Variants in SGCZ observed in about 807,000 individuals in gnomAD.
The protein encoded by SGCZ is sarcoglycan zeta, also known as zeta-sarcoglycan.
In SGCZ, 40 loss-of-function variants were observed where a neutral mutation model predicts 41.3. That is an observed-to-expected ratio of 0.97 (90% CI 0.75 to 1.26). The LOEUF is 1.26. SGCZ is among the 50% of genes most tolerant of loss of function. The pLI is 0.00. For missense variants in SGCZ, 552 were observed against 369.8 expected (o/e 1.49, Z -4.04); for synonymous variants, 206 against 137.5 (o/e 1.50, Z -3.49).
intron 3 of SGCZ, among the ~76,000 whole-genome samples, chr8:14,274,000 C>G (rs6651379): frequency 6.6e-6 from 1 of 151,844 alleles, no homozygotes; most frequent in Non-Finnish European, 1.5e-5. Context: ...TTCCCTCCTG[C>G]TGGTATTTGT....
chr8:14,424,284 C>T (rs1276136581), intron 2 of SGCZ, among the ~76,000 whole-genome samples: 1 of 152,076 alleles, frequency 6.6e-6, no homozygotes, highest in Non-Finnish European at 1.5e-5. Flanking sequence ...GCTAGTTTTT[C>T]TCATTATAAT....
intron 1 of SGCZ, among the ~76,000 whole-genome samples, chr8:15,229,029 CA>C (rs1169057749): frequency 1.3e-5 from 2 of 151,926 alleles, no homozygotes; most frequent in Admixed American, 6.6e-5. Flanking sequence ...CCCGTATCTA[CA>C]AAAATACAAA....
chr8:14,715,437 C>T (rs1210936771), intron 1 of SGCZ, among the ~76,000 whole-genome samples: 2 of 152,008 alleles, frequency 1.3e-5, no homozygotes, highest in African/African-American at 2.4e-5. Context: ...GGTATCTGCC[C>T]ACCTATCTAT....
At chr8:15,184,676 C>T (rs954559535) in intron 1 of SGCZ, among the ~76,000 whole-genome samples, 1 of 152,146 alleles carries the variant, frequency 6.6e-6, no homozygotes, top group Non-Finnish European at 1.5e-5. Flanking sequence ...CACACACACC[C>T]TTCCTGCTTT....
chr8:15,179,196 T>C lies in SGCZ; in HGVS notation c.39+58389A>G, dbSNP rs574175922. 2.0e-5 allele frequency among the ~76,000 whole-genome samples: 3 copies of C among 152,306 alleles called. No individual in the cohort carries two copies. The East Asian group carries it at 5.8e-4, about 29-fold the overall frequency. On this transcript the variant is annotated intron_variant, in intron 1 of 7. Coordinates refer to ENST00000382080, the MANE Select transcript of SGCZ (RefSeq NM_139167.4). ...CTGTTTAAGTAAAGATTCTTATTAA[T>C]TGATGAAGATCAAATAATAAAATAA...
rs1314087322 is a variant in SGCZ, at chr8:14,621,278, G to A, written c.40-66352C>T. ...CAGGAAGGGGAACATCACACACTGGGGCCTGTTGTGGGGTGGGGGGAGGGG... is the reference window on the plus strand; with the variant it reads ...CAGGAAGGGGAACATCACACACTGGAGCCTGTTGTGGGGTGGGGGGAGGGG... On this transcript the variant is annotated intron_variant, in intron 1 of 7. Coordinates refer to ENST00000382080, the MANE Select transcript of SGCZ (RefSeq NM_139167.4). Among the ~76,000 whole-genome samples, 16 of 127,746 alleles carry A rather than the reference G, an allele frequency of 1.3e-4. No individual in the cohort carries two copies. The Admixed American group carries it at 1.4e-3, about 11-fold the overall frequency. The allele number at this position is 127,746 out of a possible 152,430, so 83.8% of individuals were successfully genotyped here.
chr8:14,748,099 G>A (rs540644004), intron 1 of SGCZ, among the ~76,000 whole-genome samples: 21 of 151,938 alleles, frequency 1.4e-4, no homozygotes, highest in Non-Finnish European at 2.8e-4. Flanking sequence ...AATCACATAC[G>A]CTTCTCAAAG....
intron 2 of SGCZ, among the ~76,000 whole-genome samples, chr8:14,351,704 A>G (rs1448222582): frequency 6.6e-6 from 1 of 152,016 alleles, no homozygotes; most frequent in Non-Finnish European, 1.5e-5. Context: ...ATAAAAAAAG[A>G]ATTTGCTTGT....
chr8:14,295,817 G>A (rs923481111), intron 3 of SGCZ, among the ~76,000 whole-genome samples: 1 of 152,162 alleles, frequency 6.6e-6, no homozygotes, highest in African/African-American at 2.4e-5. Flanking sequence ...CAGGTGGCTG[G>A]AATTTGGAGT....
intron 1 of SGCZ, among the ~76,000 whole-genome samples, chr8:14,641,184 A>G (rs2117428663): frequency 6.6e-6 from 1 of 151,788 alleles, no homozygotes; most frequent in East Asian, 1.9e-4. Context: ...TACTGCTGTA[A>G]CAACTAGTCT....
chr8:15,031,089 T>C (rs2130958356), intron 1 of SGCZ, among the ~76,000 whole-genome samples: 1 of 152,264 alleles, frequency 6.6e-6, no homozygotes, highest in African/African-American at 2.4e-5. Flanking sequence ...GTGTGCGTTT[T>C]CTCACTTAAA....
At chr8:14,818,195 A>C (rs1478054873) in intron 1 of SGCZ, among the ~76,000 whole-genome samples, 1 of 152,150 alleles carries the variant, frequency 6.6e-6, no homozygotes, top group African/African-American at 2.4e-5. Flanking sequence ...CTTAACAGCC[A>C]GCCTGTCAAC....
intron 1 of SGCZ, among the ~76,000 whole-genome samples, chr8:14,791,921 A>G (rs912031722): frequency 6.6e-6 from 1 of 152,238 alleles, no homozygotes; most frequent in Non-Finnish European, 1.5e-5. Flanking sequence ...CACTTTCTCA[A>G]TGCAAAGCAC....
intron 5 of SGCZ, among the ~76,000 whole-genome samples, chr8:14,151,628 T>G (rs1354834345): frequency 6.6e-6 from 1 of 152,012 alleles, no homozygotes; most frequent in Non-Finnish European, 1.5e-5. Flanking sequence ...AATCAATACA[T>G]AAAGACCCAA....
At chr8:14,398,734 G>A (rs1238324655) in intron 2 of SGCZ, among the ~76,000 whole-genome samples, 1 of 152,130 alleles carries the variant, frequency 6.6e-6, no homozygotes, top group Admixed American at 6.6e-5. Flanking sequence ...TATTGGATAT[G>A]CATTGTTAAA....
intron 1 of SGCZ, among the ~76,000 whole-genome samples, chr8:15,118,152 T>C (rs1431298757): frequency 6.6e-6 from 1 of 152,218 alleles, no homozygotes; most frequent in Non-Finnish European, 1.5e-5. Context: ...ATAAATCACA[T>C]ATCAGGCTTT....
intron 1 of SGCZ, among the ~76,000 whole-genome samples, chr8:14,557,458 A>T (rs899648126): frequency 6.6e-6 from 1 of 151,948 alleles, no homozygotes; most frequent in Non-Finnish European, 1.5e-5. Flanking sequence ...CTTTGTTCTT[A>T]TTGCATTTGC....
At chr8:14,803,218 G>C (rs1354204825) in intron 1 of SGCZ, among the ~76,000 whole-genome samples, 1 of 152,058 alleles carries the variant, frequency 6.6e-6, no homozygotes, top group African/African-American at 2.4e-5. Flanking sequence ...AACTGTCCCG[G>C]GAGGAGCCAA....
chr8:14,465,430 T>C (rs1585551978), intron 2 of SGCZ, among the ~76,000 whole-genome samples: 1 of 151,706 alleles, frequency 6.6e-6, no homozygotes, highest in East Asian at 1.9e-4. Flanking sequence ...TTTCAATCTA[T>C]TTGTGTCTTT....
Sources: allele counts gnomAD v4.1 joint callset (sites outside exome capture counted in the v4.1 genomes callset), GRCh38; gene constraint gnomAD v4.1.1; transcripts MANE v1.5; gene names NCBI Gene and HGNC (gene_info 2026-07-23, HGNC 2026-07-21).